The following ARFGAP3 variants were observed in gnomAD, a reference collection of about 807,000 sequenced individuals.
The protein encoded by ARFGAP3 is ADP-ribosylation factor GTPase-activating protein 3.
A neutral mutation model predicts 75.0 loss-of-function variants in ARFGAP3; 72 were observed. That is an observed-to-expected ratio of 0.96 (90% CI 0.79 to 1.17). ARFGAP3 has a LOEUF of 1.17. ARFGAP3 is among the 50% of genes most tolerant of loss of function. ARFGAP3 has a pLI of 0.00. For synonymous variants in ARFGAP3, 221 were observed against 217.9 expected, an observed-to-expected ratio of 1.01 and a Z score of -0.13; for missense variants, 620 against 626.6, an observed-to-expected ratio of 0.99 and a Z score of 0.11.
intron 8 of ARFGAP3, 84 bp downstream of exon 8, chr22:42,823,572 A>C (rs1925904626): frequency 9.8e-7 from 1 of 1,022,368 alleles, no homozygotes; most frequent in South Asian, 1.6e-5. Context: ...ATGGTTCAAA[A>C]GAATAAAACT....
At chr22:42,798,603 C>A (rs1924710799) in intron 15 of ARFGAP3, among the ~76,000 whole-genome samples, 2 of 152,182 alleles carry the variant, frequency 1.3e-5, no homozygotes, top group African/African-American at 4.8e-5. Flanking sequence ...AGATATAAAA[C>A]CCTCTATACA....
chr22:42,808,509 T>C (rs1925225906), intron 13 of ARFGAP3, among the ~76,000 whole-genome samples: 1 of 152,174 alleles, frequency 6.6e-6, no homozygotes, highest in African/African-American at 2.4e-5. Context: ...TACTGGATAA[T>C]GGCTATTCAA....
rs145364416 is a variant in ARFGAP3 at position 42,836,130 on chromosome 22, G to A, written c.262-637C>T. The stretch of plus-strand genomic sequence containing the variant: ...CCCAAATAGCTGGGACTACAGGTGT[G>A]TGCCACCACGCCTGGCTAATTTTTG... On this transcript the variant is annotated intron_variant, in intron 3 of 15. Coordinates refer to ENST00000263245, the MANE Select transcript of ARFGAP3 (RefSeq NM_014570.5). Among the ~76,000 whole-genome samples, 3 of 151,770 alleles carry A rather than the reference G, an allele frequency of 2.0e-5. No homozygotes were observed. In the South Asian group the frequency reaches 6.2e-4, roughly 32 times the overall value.
intron 11 of ARFGAP3, among the ~76,000 whole-genome samples, chr22:42,811,465 T>G (rs1336225960): frequency 6.6e-6 from 1 of 152,204 alleles, no homozygotes; most frequent in Non-Finnish European, 1.5e-5. Flanking sequence ...CAATCACAAA[T>G]AACACTGCTG....
intron 5 of ARFGAP3, 93 bp from the exon 6 acceptor site, chr22:42,831,729 C>T (rs933737526): frequency 4.5e-6 from 7 of 1,570,042 alleles, no homozygotes; most frequent in Middle Eastern, 1.7e-4. Flanking sequence ...ACAATTTAAA[C>T]AGCCACATTC....
chr22:42,823,478 AATAAGT>A (rs1356555932), intron 8 of ARFGAP3, among the ~76,000 whole-genome samples, 172 bp downstream of exon 8: 28 of 152,038 alleles, frequency 1.8e-4, no homozygotes, highest in Admixed American at 7.9e-4. Context: ...GAAAAAATTC[AATAAGT>A]ATAACATTAA....
Position 42,797,608 on chromosome 22 carries a change from G to T in ARFGAP3, c.1534-3C>A. On this transcript the variant is annotated splice_polypyrimidine_tract_variant and splice_region_variant and intron_variant, in intron 15 of 15. Transcript: ENST00000263245. ...CAGTATTAAGAACCGTAGCGATCCTGAAGAGAGAACCAAAATGGAAGTTCA... is the reference window on the plus strand; with the variant it reads ...CAGTATTAAGAACCGTAGCGATCCTTAAGAGAGAACCAAAATGGAAGTTCA... 6.2e-7 allele frequency: 1 copy of T among 1,614,064 alleles called. No individual in the cohort carries two copies. The highest frequency in any genetic ancestry group is 1.1e-5 in the South Asian group (1 of 91,076).
At chr22:42,821,724 G>A (rs1200803747) in intron 9 of ARFGAP3, among the ~76,000 whole-genome samples, 1 of 152,184 alleles carries the variant, frequency 6.6e-6, no homozygotes, top group Non-Finnish European at 1.5e-5. Context: ...ACAGATGTAA[G>A]TTTTAATTTC....
intron 9 of ARFGAP3, among the ~76,000 whole-genome samples, chr22:42,818,769 G>A (rs948844605): frequency 1.1e-4 from 17 of 149,522 alleles, no homozygotes; most frequent in Admixed American, 2.7e-4. Context: ...TAAATTCCTA[G>A]TAATATAAAT....
chr22:42,853,297 T>A (rs1468733690), intron 1 of ARFGAP3: 1 of 162,278 alleles, frequency 6.2e-6, no homozygotes, highest in African/African-American at 2.4e-5. Flanking sequence ...CTTACGGGAG[T>A]GTCTGTCACT....
At chr22:42,825,824 T>G (rs946477805) in intron 7 of ARFGAP3, among the ~76,000 whole-genome samples, 2 of 152,240 alleles carry the variant, frequency 1.3e-5, no homozygotes, top group Non-Finnish European at 2.9e-5. Context: ...ATATATTGTC[T>G]TTAGAATTAT....
rs1926592720 is a variant in ARFGAP3, at chr22:42,837,728, A to AG, written c.262-2236dup. Among the ~76,000 whole-genome samples the AG allele has an allele frequency of 3.6e-5, 4 of 111,408 alleles. No individual in the cohort carries two copies. In the South Asian group the frequency reaches 1.3e-3, roughly 35 times the overall value. The allele number at this position is 111,408 out of a possible 152,430, so 73.1% of individuals were successfully genotyped here. A position where few individuals can be genotyped will look rare whatever the true frequency, so the allele number is the denominator to read the frequency against. The stretch of plus-strand genomic sequence containing the variant: ...GGTCTTGCTTGATTACCCAGGCTGG[A>AG]GTGCAGTGGCACGGTGAACACTGCT... On this transcript the variant is annotated intron_variant, in intron 3 of 15. Coordinates refer to ENST00000263245, the MANE Select transcript of ARFGAP3 (RefSeq NM_014570.5).
At chr22:42,831,480 T>G in intron 6 of ARFGAP3, 69 bp downstream of exon 6, 1 of 1,521,716 alleles carries the variant, frequency 6.6e-7, no homozygotes, top group Non-Finnish European at 9.0e-7. Flanking sequence ...CCCATCTTAA[T>G]TTTTAATAGT....
chr22:42,852,411 G>A (rs1927317737), intron 1 of ARFGAP3, among the ~76,000 whole-genome samples: 1 of 151,530 alleles, frequency 6.6e-6, no homozygotes, highest in African/African-American at 2.4e-5. Flanking sequence ...CCACTCTTGA[G>A]TGCAATGGCG....
At chr22:42,807,357 C>T (rs1163631127) in intron 13 of ARFGAP3, 194 bp from the exon 14 acceptor site, 2 of 690,842 alleles carry the variant, frequency 2.9e-6, no homozygotes, top group Non-Finnish European at 3.6e-6. Context: ...GGAGGCAGGT[C>T]ACAGGCAGAC....
chr22:42,857,220 C>G lies in ARFGAP3; in HGVS notation c.-38G>C. 6.7e-7 allele frequency: 1 copy of G among 1,500,322 alleles called. No individual in the cohort carries two copies. 92.9% of individuals were successfully genotyped at this position (1,500,322 alleles called of 1,614,324 possible). On this transcript the variant is annotated 5_prime_UTR_variant, in exon 1 of 16. Coordinates refer to ENST00000263245, the MANE Select transcript of ARFGAP3 (RefSeq NM_014570.5). ...GCCGCGGCGCAGCTGGCCCAGCCAACCGGTAAGAGTCGACGAAAAGCGGCT... is the reference window on the plus strand; with the variant it reads ...GCCGCGGCGCAGCTGGCCCAGCCAAGCGGTAAGAGTCGACGAAAAGCGGCT...
intron 1 of ARFGAP3, among the ~76,000 whole-genome samples, chr22:42,849,480 C>CT (rs57340922): frequency 6.1e-5 from 9 of 147,138 alleles, no homozygotes; most frequent in East Asian, 2.0e-4. Flanking sequence ...GGCTTTTTTT[C>CT]TTTTTTTTTT....
At chr22:42,803,033 T>C (rs955150832) in intron 14 of ARFGAP3, among the ~76,000 whole-genome samples, 1 of 152,248 alleles carries the variant, frequency 6.6e-6, no homozygotes, top group African/African-American at 2.4e-5. Flanking sequence ...ACTCCCTCTG[T>C]TGCCCGGGCT....
rs954742707 is a variant in ARFGAP3 at position 42,856,310 on chromosome 22, G to C, written c.69+804C>G. 2.0e-5 allele frequency among the ~76,000 whole-genome samples: 3 copies of C among 152,312 alleles called. No homozygotes were observed. The East Asian group carries it at 5.8e-4, about 29-fold the overall frequency. ...ATAACAGCTGTTCCCTTCGGGAAGTGACAGTGGGAACCAGACAACACTCGT... is the reference window on the plus strand; with the variant it reads ...ATAACAGCTGTTCCCTTCGGGAAGTCACAGTGGGAACCAGACAACACTCGT... On this transcript the variant is annotated intron_variant, in intron 1 of 15. Coordinates refer to ENST00000263245, the MANE Select transcript of ARFGAP3 (RefSeq NM_014570.5).
Sources: allele counts gnomAD v4.1 joint callset (sites outside exome capture counted in the v4.1 genomes callset), GRCh38; gene constraint gnomAD v4.1.1; transcripts MANE v1.5; gene names NCBI Gene and HGNC (gene_info 2026-07-23, HGNC 2026-07-21).